Variants in ARMC12 observed in about 807,000 individuals in gnomAD.
ARMC12 encodes armadillo repeat-containing protein 12.
ARMC12 carries 25 observed loss-of-function variants against 37.4 expected under a neutral mutation model. The ratio of observed to expected loss-of-function variants is 0.67; its 90% CI spans 0.49 to 0.93. The LOEUF is 0.93. Among genes scored for constraint, ARMC12 ranks in the 40% least tolerant of loss-of-function variants. The probability of loss-of-function intolerance (pLI) is 0.00; values close to 1 mark genes in which losing one functional copy is unlikely to be tolerated. For synonymous variants in ARMC12, 167 were observed against 176.1 expected, an observed-to-expected ratio of 0.95 and a Z score of 0.41; for missense variants, 384 against 426.6, an observed-to-expected ratio of 0.90 and a Z score of 0.88.
intron 3 of ARMC12, among the ~76,000 whole-genome samples, chr6:35,741,153 C>T (rs558357050): frequency 1.3e-5 from 2 of 152,088 alleles, no homozygotes; most frequent in Non-Finnish European, 2.9e-5. Flanking sequence ...TGGTCTCTTT[C>T]GTGAATACTC....
intron 3 of ARMC12, among the ~76,000 whole-genome samples, chr6:35,738,886 T>G (rs1767079639): frequency 6.6e-6 from 1 of 152,184 alleles, no homozygotes; most frequent in African/African-American, 2.4e-5. Flanking sequence ...GGTTAAGGGC[T>G]GAGTCCCCCA....
intron 3 of ARMC12, 36 bp downstream of exon 3, chr6:35,738,554 G>A (rs774644178): frequency 8.7e-6 from 14 of 1,612,194 alleles, no homozygotes; most frequent in Non-Finnish European, 1.1e-5. Context: ...CATGCAGGAT[G>A]TCTATAGTCC....
chr6:35,737,264 C>T lies in ARMC12; in HGVS notation c.156C>T (p.Cys52=). 6.2e-7 allele frequency: 1 copy of T among 1,614,282 alleles called. No homozygotes were observed. The highest frequency in any genetic ancestry group is 1.3e-5 in the African/African-American group (1 of 75,076). ...CCCTCTGTAGCAACTCACCCATCTG[C>T]ATCGCCCGTGAGTGTCCGGGCCCTG... ...KPPLCSNSPI[C]IARLAVERER... is the part of the protein sequence containing the mutation. Residue 52 remains cysteine, a synonymous_variant, in exon 1 of 6, where the codon TGC becomes TGT. Coordinates refer to ENST00000373866, the MANE Select transcript of ARMC12 (RefSeq NM_001286574.2).
Position 35,737,173 on chromosome 6 carries a change from C to T in ARMC12, c.65C>T (p.Ala22Val). ...LDIRKSVVSL[A>V]TGAGAIYLLY... ...ATCCGCAAAAGCGTAGTCAGCCTGG[C>T]CACAGGCGCCGGGGCGATCTACCTG... Residue 22 changes from alanine to valine, a missense_variant, in exon 1 of 6, where the codon GCC becomes GTC. Ala to Val is a moderately conservative substitution (Grantham distance 64). Coordinates refer to ENST00000373866, the MANE Select transcript of ARMC12 (RefSeq NM_001286574.2). 6.2e-7 allele frequency: 1 copy of T among 1,614,254 alleles called. No homozygotes were observed. The highest frequency in any genetic ancestry group is 8.5e-7 in the Non-Finnish European group (1 of 1,180,040).
intron 2 of ARMC12, 98 bp from the exon 3 acceptor site, chr6:35,738,286 T>C (rs9296162): frequency 9.6e-5 from 102 of 1,063,322 alleles, no homozygotes; most frequent in Admixed American, 2.0e-4. Flanking sequence ...CTGATAGCGG[T>C]GGGGGGGGGG....
upstream of ARMC12, among the ~76,000 whole-genome samples, chr6:35,736,370 C>T (rs1766961159): frequency 6.6e-6 from 1 of 152,106 alleles, no homozygotes; most frequent in Non-Finnish European, 1.5e-5. Context: ...TATGGGAGGG[C>T]CCGGAAAGAA....
intron 3 of ARMC12, among the ~76,000 whole-genome samples, chr6:35,743,917 C>G (rs1259948115): frequency 6.7e-6 from 1 of 150,132 alleles, no homozygotes; most frequent in Non-Finnish European, 1.5e-5. Context: ...TGCACTCCAG[C>G]CTGTTTGATG....
At chr6:35,744,274 T>G (rs1443454367) in intron 3 of ARMC12, among the ~76,000 whole-genome samples, 1 of 151,974 alleles carries the variant, frequency 6.6e-6, no homozygotes, top group Non-Finnish European at 1.5e-5. Flanking sequence ...CCCAAGTAGC[T>G]GGGATTACAG....
chr6:35,737,820 T>C (rs891358802), intron 1 of ARMC12, among the ~76,000 whole-genome samples: 7 of 152,228 alleles, frequency 4.6e-5, no homozygotes, highest in African/African-American at 9.6e-5. Context: ...TCTATGATGG[T>C]ACGTTATGGA....
intron 3 of ARMC12, 82 bp from the exon 4 acceptor site, chr6:35,747,179 G>A: frequency 6.7e-7 from 1 of 1,498,388 alleles, no homozygotes; most frequent in South Asian, 1.3e-5. Flanking sequence ...GACATCCATG[G>A]GGACAGTGAA....
chr6:35,735,755 G>C (rs1051471473), upstream of ARMC12: 1 of 152,264 alleles, frequency 6.6e-6, no homozygotes, highest in Non-Finnish European at 1.5e-5. The surrounding 1 kb of genome is among the most constrained non-coding windows in gnomAD (Gnocchi z 4.0). Flanking sequence ...GGAAGGGTCT[G>C]GTCTCACCTG....
At chr6:35,745,028 TA>T (rs1481321652) in intron 3 of ARMC12, among the ~76,000 whole-genome samples, 3 of 152,208 alleles carry the variant, frequency 2.0e-5, no homozygotes, top group Non-Finnish European at 4.4e-5. Flanking sequence ...GGTGGGAATA[TA>T]AAATGGTACA....
At chr6:35,732,864 G>C (rs1766867808), upstream of ARMC12, among the ~76,000 whole-genome samples, 1 of 152,202 alleles carries the variant, frequency 6.6e-6, no homozygotes, top group Non-Finnish European at 1.5e-5. Context: ...CAGGAGTTGG[G>C]ATTGATTGAC....
chr6:35,737,929 G>C, intron 1 of ARMC12, 98 bp from the exon 2 acceptor site: 1 of 1,564,956 alleles, frequency 6.4e-7, no homozygotes, highest in South Asian at 1.1e-5. Flanking sequence ...GAAAAGGCAA[G>C]GCAGCCTTGT....
Position 35,748,657 on chromosome 6 carries a change from G to T in ARMC12, c.810G>T (p.Val270=), listed in dbSNP as rs1194614440. Reference sequence around the variant, plus strand: ...GGAACGCACCCCACTACCACGTGGTGAAATGGCATTACAACGAACAGTCCC... The same window carrying T: ...GGAACGCACCCCACTACCACGTGGTTAAATGGCATTACAACGAACAGTCCC... The part of the protein sequence containing the change: ...EGRNAPHYHV[V]KWHYNEQSLH... The change falls in exon 6 of 6, where the codon GTG becomes GTT. Residue 270 remains valine, a synonymous_variant. Transcript: ENST00000373866. The T allele has an allele frequency of 6.2e-7, 1 of 1,614,154 alleles. No individual in the cohort carries two copies. The highest frequency in any genetic ancestry group is 8.5e-7 in the Non-Finnish European group (1 of 1,180,004).
intron 3 of ARMC12, among the ~76,000 whole-genome samples, chr6:35,745,946 T>C (rs889528381): frequency 6.6e-6 from 1 of 152,136 alleles, no homozygotes; most frequent in African/African-American, 2.4e-5. Context: ...CTTGGGAGGC[T>C]GAGGCAGGAG....
upstream of ARMC12, among the ~76,000 whole-genome samples, chr6:35,736,385 A>T (rs2151033305): frequency 6.6e-6 from 1 of 152,294 alleles, no homozygotes; most frequent in Non-Finnish European, 1.5e-5. Context: ...AAAGAAAAGG[A>T]ACAGGGTTGT....
chr6:35,739,517 T>C (rs1281259227), intron 3 of ARMC12, among the ~76,000 whole-genome samples: 1 of 151,886 alleles, frequency 6.6e-6, no homozygotes, highest in Non-Finnish European at 1.5e-5. Flanking sequence ...CAGATCCCAA[T>C]AAACTTGTTT....
At chr6:35,746,352 G>C (rs1767337375) in intron 3 of ARMC12, among the ~76,000 whole-genome samples, 1 of 152,202 alleles carries the variant, frequency 6.6e-6, no homozygotes. Flanking sequence ...AGGCCATTGT[G>C]ATGGGAACCT....
Sources: gnomAD v4.1 joint callset for allele counts (sites outside exome capture counted in the v4.1 genomes callset) on GRCh38, gnomAD v4.1.1 for gene constraint, Gnocchi (gnomAD v3.1) non-coding constraint, MANE v1.5 for transcripts, NCBI Gene and HGNC (gene_info 2026-07-23, HGNC 2026-07-21) for gene names.